HECW1: variants seen among roughly 807,000 people sequenced by gnomAD.
HECW1 encodes HECT, C2 and WW domain containing E3 ubiquitin protein ligase 1, also known as E3 ubiquitin-protein ligase HECW1.
HECW1 carries 61 observed loss-of-function variants against 182.3 expected under a neutral mutation model. The observed-to-expected ratio is 0.33, with a 90% CI of 0.27 to 0.41. The LOEUF (loss-of-function observed/expected upper bound fraction) is 0.41, where lower values mean the gene tolerates loss of function less well. HECW1 is among the 10% of genes least tolerant of loss of function. The pLI is 1.00. For synonymous variants in HECW1, 859 were observed against 832.6 expected (o/e 1.03, Z -0.55); for missense variants, 1,739 against 2,108.9 (o/e 0.82, Z 3.44).
chr7:43,260,608 G>A (rs755510934), intron 3 of HECW1, among the ~76,000 whole-genome samples: 3 of 152,260 alleles, frequency 2.0e-5, no homozygotes, highest in Admixed American at 6.5e-5. Context: ...GGAGATACCA[G>A]GAGGCCATAG....
At chr7:43,230,327 G>A (rs942377771) in intron 2 of HECW1, among the ~76,000 whole-genome samples, 1 of 152,202 alleles carries the variant, frequency 6.6e-6, no homozygotes, top group Non-Finnish European at 1.5e-5. Context: ...CCTGGAGGCA[G>A]AGGTTGCAAT....
At chr7:43,304,053 C>T (rs1387113031) in intron 3 of HECW1, among the ~76,000 whole-genome samples, 1 of 152,178 alleles carries the variant, frequency 6.6e-6, no homozygotes, top group East Asian at 1.9e-4. Flanking sequence ...TTTCCCTTAA[C>T]AGTCGTGACT....
intron 8 of HECW1, among the ~76,000 whole-genome samples, chr7:43,428,480 G>T (rs547523669): frequency 6.6e-6 from 1 of 152,272 alleles, no homozygotes; most frequent in African/African-American, 2.4e-5. Flanking sequence ...CTGAAGACAG[G>T]GAGACCAGTT....
chr7:43,342,417 C>A, intron 5 of HECW1, among the ~76,000 whole-genome samples: 1 of 151,736 alleles, frequency 6.6e-6, no homozygotes, highest in Middle Eastern at 3.2e-3. Flanking sequence ...GATAGACTGG[C>A]AGGACTCAAG....
chr7:43,447,770 A>G (rs954344273), intron 11 of HECW1, among the ~76,000 whole-genome samples: 2 of 152,188 alleles, frequency 1.3e-5, no homozygotes, highest in East Asian at 1.9e-4. Flanking sequence ...CTCTGCTTCC[A>G]TAAAAATCCC....
chr7:43,275,531 G>A (rs1460243253), intron 3 of HECW1, among the ~76,000 whole-genome samples: 2 of 152,156 alleles, frequency 1.3e-5, no homozygotes. Context: ...TAAAAACTGT[G>A]AATATGGAAG....
chr7:43,437,905 A>G, intron 8 of HECW1, 98 bp from the exon 9 acceptor site: 1 of 1,211,488 alleles, frequency 8.3e-7, no homozygotes, highest in Non-Finnish European at 1.2e-6. Flanking sequence ...TATTATAGCT[A>G]GGATGTTTTA....
At chr7:43,336,761 C>T (rs1812343232) in intron 5 of HECW1, among the ~76,000 whole-genome samples, 1 of 152,092 alleles carries the variant, frequency 6.6e-6, no homozygotes, top group Non-Finnish European at 1.5e-5. Context: ...CTCATGTGTA[C>T]CCATTGTTTA....
chr7:43,369,296 T>C (rs1184069377), intron 6 of HECW1, among the ~76,000 whole-genome samples: 1 of 152,012 alleles, frequency 6.6e-6, no homozygotes, highest in Non-Finnish European at 1.5e-5. Context: ...CCATCTCTAC[T>C]AAAAATACAA....
intron 24 of HECW1, among the ~76,000 whole-genome samples, chr7:43,535,055 G>A (rs1406032720): frequency 6.6e-6 from 1 of 152,152 alleles, no homozygotes; most frequent in Non-Finnish European, 1.5e-5. Context: ...TATTAAACAG[G>A]TGTCCCAAAG....
At position 43,468,958 on chromosome 7, in the gene HECW1, G is replaced by A; in HGVS notation, c.2952G>A (p.Lys984=). The A allele has an allele frequency of 6.2e-7, 1 of 1,614,214 alleles. No homozygotes were observed. Among genetic ancestry groups the A allele is most frequent in the Non-Finnish European group, 8.5e-7 (1 of 1,180,038 alleles). ...YRVFTSSTCL[K]HMILKVRRDA... is the part of the protein sequence containing the mutation. ...TCTTCACCAGTAGCACCTGCTTAAA[G>A]CACATGATTCTGAAAGTCCGACGGG... is the stretch of plus-strand genomic sequence containing the variant. Residue 984 remains lysine, a synonymous_variant, in exon 16 of 30, where the codon AAG becomes AAA. Coordinates refer to ENST00000395891, the MANE Select transcript of HECW1 (RefSeq NM_015052.5).
chr7:43,175,444 T>C (rs988369875), intron 2 of HECW1, among the ~76,000 whole-genome samples: 1 of 152,214 alleles, frequency 6.6e-6, no homozygotes, highest in Admixed American at 6.5e-5. Context: ...TACAGGAAGG[T>C]TAAAAGAATT....
chr7:43,494,079 C>G (rs1433319162), intron 19 of HECW1, among the ~76,000 whole-genome samples: 1 of 152,200 alleles, frequency 6.6e-6, no homozygotes, highest in Non-Finnish European at 1.5e-5. Flanking sequence ...CGGGGAATCA[C>G]TGACAGCTTC....
intron 14 of HECW1, among the ~76,000 whole-genome samples, chr7:43,466,223 G>A (rs1056716160): frequency 6.6e-6 from 1 of 152,194 alleles, no homozygotes; most frequent in Admixed American, 6.5e-5. Flanking sequence ...TGTGATAAAA[G>A]GGAAGAGATG....
intron 28 of HECW1, among the ~76,000 whole-genome samples, chr7:43,554,353 C>T (rs2081950382): frequency 6.6e-6 from 1 of 152,246 alleles, no homozygotes; most frequent in African/African-American, 2.4e-5. Flanking sequence ...TCTCTGAGAA[C>T]ATCACAGAAC....
chr7:43,272,698 G>A (rs1265650548), intron 3 of HECW1, among the ~76,000 whole-genome samples: 1 of 152,136 alleles, frequency 6.6e-6, no homozygotes, highest in Non-Finnish European at 1.5e-5. Context: ...TGGAGAAAAG[G>A]GAACATTTAT....
intron 5 of HECW1, among the ~76,000 whole-genome samples, chr7:43,349,146 T>A (rs2152804996): frequency 6.6e-6 from 1 of 152,322 alleles, no homozygotes; most frequent in South Asian, 2.1e-4. Flanking sequence ...GTGATTCTCC[T>A]GCCTCAGCCT....
intron 24 of HECW1, among the ~76,000 whole-genome samples, chr7:43,522,718 C>T (rs557181089): frequency 6.6e-6 from 1 of 152,152 alleles, no homozygotes; most frequent in East Asian, 1.9e-4. Context: ...TACACCAAAC[C>T]CCCTATTAGC....
chr7:43,170,934 T>C (rs1425767714), intron 2 of HECW1, among the ~76,000 whole-genome samples: 5 of 152,058 alleles, frequency 3.3e-5, no homozygotes, highest in African/African-American at 1.2e-4. Context: ...GTGCAAAAGG[T>C]TAGGCAGCCA....
Sources: allele counts gnomAD v4.1 joint callset (sites outside exome capture counted in the v4.1 genomes callset), GRCh38; gene constraint gnomAD v4.1.1; transcripts MANE v1.5; gene names NCBI Gene and HGNC (gene_info 2026-07-23, HGNC 2026-07-21).